OCLN: variants seen among roughly 807,000 people sequenced by gnomAD.
OCLN encodes phosphatase 1, regulatory subunit 115.
In OCLN, 21 loss-of-function variants were observed where a neutral mutation model predicts 47.9. The observed-to-expected ratio is 0.44, with a 90% confidence interval of 0.31 to 0.63. The LOEUF is 0.63. Among genes scored for constraint, OCLN ranks in the 30% least tolerant of loss-of-function variants. The pLI, the probability that OCLN is intolerant of heterozygous loss-of-function variation, is 0.08. For synonymous variants in OCLN, 117 were observed against 198.4 expected, an observed-to-expected ratio of 0.59 and a Z score of 3.45; for missense variants, 360 against 571.0, an observed-to-expected ratio of 0.63 and a Z score of 3.77.
chr5:69,526,202 G>A (rs540284874), intron 4 of OCLN, among the ~76,000 whole-genome samples: 3 of 152,176 alleles, frequency 2.0e-5, no homozygotes, highest in Non-Finnish European at 2.9e-5. Context: ...CTGGGGCCTA[G>A]GTCGGTAATA....
At chr5:69,527,325 C>T (rs1426605283) in intron 4 of OCLN, among the ~76,000 whole-genome samples, 1 of 152,120 alleles carries the variant, frequency 6.6e-6, no homozygotes, top group Non-Finnish European at 1.5e-5. Context: ...CACGTGCAGC[C>T]TCTGCAAGCT....
intron 2 of OCLN, among the ~76,000 whole-genome samples, chr5:69,504,623 C>T (rs1193760609): frequency 6.6e-6 from 1 of 152,142 alleles, no homozygotes; most frequent in Non-Finnish European, 1.5e-5. Context: ...CCATTGGGAA[C>T]ATATTGTCAG....
intron 3 of OCLN, among the ~76,000 whole-genome samples, chr5:69,513,296 T>C (rs576320511): frequency 1.3e-4 from 20 of 152,342 alleles, no homozygotes; most frequent in African/African-American, 4.8e-4. Context: ...GTAGGAAGTT[T>C]CTTTGTTACA....
chr5:69,515,661 G>T (rs1380284797), intron 4 of OCLN, among the ~76,000 whole-genome samples: 2 of 151,370 alleles, frequency 1.3e-5, no homozygotes, highest in Non-Finnish European at 3.0e-5. Context: ...CCTCCCGGAT[G>T]GGGTAGCTGC....
At chr5:69,516,980 A>G (rs1249289003) in intron 4 of OCLN, among the ~76,000 whole-genome samples, 5 of 152,192 alleles carry the variant, frequency 3.3e-5, no homozygotes, top group Non-Finnish European at 7.3e-5. Flanking sequence ...GAATCACTGG[A>G]GCATGGGAGG....
chr5:69,502,998 A>G (rs1768500945), intron 1 of OCLN, among the ~76,000 whole-genome samples: 1 of 152,224 alleles, frequency 6.6e-6, no homozygotes, highest in Admixed American at 6.5e-5. Flanking sequence ...TGACATCCAT[A>G]TAACCTTGAG....
At chr5:69,517,295 AATAT>A (rs202209882) in intron 4 of OCLN, among the ~76,000 whole-genome samples, 21 of 112,592 alleles carry the variant, frequency 1.9e-4, no homozygotes, top group African/African-American at 5.8e-4. Flanking sequence ...TAAAGACATT[AATAT>A]ATATATATAT....
chr5:69,526,774 G>A lies in OCLN; in HGVS notation c.892-7920G>A, dbSNP rs1244621060. Among the ~76,000 whole-genome samples, 6 of 152,366 alleles carry A rather than the reference G, an allele frequency of 3.9e-5. No homozygotes were observed. In the East Asian group the frequency reaches 1.2e-3, roughly 29 times the overall value. ...TCTGGCAGACACTGAAAGGCACTTA[G>A]AAGGAGATGGAGTTGGGACAAGAGC... On this transcript the variant is annotated intron_variant, in intron 4 of 8. Coordinates refer to ENST00000396442, the MANE Select transcript of OCLN (RefSeq NM_001205254.2).
chr5:69,515,545 C>G (rs1580562788), intron 4 of OCLN, among the ~76,000 whole-genome samples: 1 of 149,032 alleles, frequency 6.7e-6, no homozygotes, highest in Admixed American at 6.6e-5. Context: ...CTGACCCCCC[C>G]CCACCTCCCT....
intron 4 of OCLN, among the ~76,000 whole-genome samples, chr5:69,527,968 G>A (rs183991155): frequency 6.6e-6 from 1 of 152,214 alleles, no homozygotes; most frequent in Non-Finnish European, 1.5e-5. Flanking sequence ...CAGTTGGGTA[G>A]GGGCAATTTG....
intron 7 of OCLN, among the ~76,000 whole-genome samples, chr5:69,548,841 C>T (rs1458302606): frequency 6.6e-6 from 1 of 150,668 alleles, no homozygotes; most frequent in African/African-American, 2.4e-5. Context: ...CACCTGTAAT[C>T]CCAGCTACTC....
At chr5:69,548,678 G>T (rs1769774143) in intron 7 of OCLN, among the ~76,000 whole-genome samples, 2 of 151,114 alleles carry the variant, frequency 1.3e-5, no homozygotes, top group Non-Finnish European at 2.9e-5. Flanking sequence ...AAATAGCCAG[G>T]CTGGGCATGG....
At chr5:69,515,819 G>T (rs1179399298) in intron 4 of OCLN, among the ~76,000 whole-genome samples, 1 of 151,446 alleles carries the variant, frequency 6.6e-6, no homozygotes, top group Non-Finnish European at 1.5e-5. Flanking sequence ...CTCCCAGACG[G>T]GGTCGCGGCT....
intron 3 of OCLN, among the ~76,000 whole-genome samples, chr5:69,511,149 A>AC (rs1768772912): frequency 6.6e-6 from 1 of 151,100 alleles, no homozygotes; most frequent in South Asian, 2.1e-4. Flanking sequence ...ATCTTTGCTC[A>AC]CTGTGAGCTA....
At chr5:69,517,540 T>A (rs1293908163) in intron 4 of OCLN, among the ~76,000 whole-genome samples, 2 of 152,018 alleles carry the variant, frequency 1.3e-5, no homozygotes, top group Non-Finnish European at 2.9e-5. Context: ...CTCGAACTCC[T>A]GACCTCAAGT....
At chr5:69,532,994 C>CGT (rs1467790227) in intron 4 of OCLN, among the ~76,000 whole-genome samples, 2 of 46,604 alleles carry the variant, frequency 4.3e-5, no homozygotes, top group African/African-American at 2.1e-4. Context: ...TATATGTATG[C>CGT]ATGTATGTGT....
chr5:69,494,819 A>G (rs1268052248), intron 1 of OCLN, among the ~76,000 whole-genome samples: 8 of 152,200 alleles, frequency 5.3e-5, no homozygotes. Flanking sequence ...TCCATTTTAA[A>G]AGTGGGCAAA....
At position 69,533,470 on chromosome 5, in the gene OCLN, C is replaced by T. The variant is rs1049455083; in HGVS notation, c.892-1224C>T. Among the ~76,000 whole-genome samples the T allele has an allele frequency of 3.3e-5, 5 of 151,998 alleles. No individual in the cohort carries two copies. The East Asian group carries it at 9.6e-4, about 29-fold the overall frequency. On this transcript the variant is annotated intron_variant, in intron 4 of 8. Transcript: ENST00000396442. ...ACGTTGTTACATCGTCGAGCTATAG[C>T]AGGGTTATGGTGCCCAGTGTGTAGC... is the stretch of plus-strand genomic sequence containing the variant.
At chr5:69,523,661 A>G (rs554226049) in intron 4 of OCLN, among the ~76,000 whole-genome samples, 4 of 151,560 alleles carry the variant, frequency 2.6e-5, no homozygotes, top group African/African-American at 7.3e-5. Context: ...TCAGCCTCCT[A>G]AGTAGCTGGG....
Sources: allele counts gnomAD v4.1 joint callset (sites outside exome capture counted in the v4.1 genomes callset), GRCh38; gene constraint gnomAD v4.1.1; transcripts MANE v1.5; gene names NCBI Gene and HGNC (gene_info 2026-07-23, HGNC 2026-07-21).